Variants in RAP1GDS1 observed in about 807,000 individuals in gnomAD.
The protein encoded by RAP1GDS1 is Rap1 GTPase-GDP dissociation stimulator 1.
In RAP1GDS1, 35 loss-of-function variants were observed where a neutral mutation model predicts 71.1. The ratio of observed to expected loss-of-function variants is 0.49; its 90% CI spans 0.38 to 0.65. The LOEUF (loss-of-function observed/expected upper bound fraction) is 0.65. Among genes scored for constraint, RAP1GDS1 ranks in the 30% least tolerant of loss-of-function variants. RAP1GDS1 has a pLI of 0.00. For missense variants in RAP1GDS1, 663 were observed against 706.1 expected (o/e 0.94, Z 0.69); for synonymous variants, 229 against 243.1 (o/e 0.94, Z 0.54).
At chr4:98,440,471 C>G (rs1751725741) in intron 14 of RAP1GDS1, among the ~76,000 whole-genome samples, 1 of 152,158 alleles carries the variant, frequency 6.6e-6, no homozygotes, top group South Asian at 2.1e-4. Flanking sequence ...TTTCTTCCAG[C>G]AGTACACATG....
intron 4 of RAP1GDS1, among the ~76,000 whole-genome samples, chr4:98,353,334 C>A (rs1249049504): frequency 6.6e-6 from 1 of 152,074 alleles, no homozygotes; most frequent in East Asian, 1.9e-4. Flanking sequence ...GTAATGCCTC[C>A]TAGGAATTTA....
chr4:98,376,524 C>T (rs1250708215), intron 4 of RAP1GDS1, among the ~76,000 whole-genome samples: 4 of 151,950 alleles, frequency 2.6e-5, no homozygotes, highest in Non-Finnish European at 5.9e-5. Flanking sequence ...TGACTTATGT[C>T]ACTGGTTTTG....
intron 1 of RAP1GDS1, among the ~76,000 whole-genome samples, chr4:98,275,836 A>G (rs1293528925): frequency 6.6e-6 from 1 of 152,082 alleles, no homozygotes; most frequent in Non-Finnish European, 1.5e-5. Flanking sequence ...TACTACTTTG[A>G]ATTAAACCTC....
chr4:98,301,105 G>A (rs1728525231), intron 2 of RAP1GDS1, among the ~76,000 whole-genome samples: 1 of 151,916 alleles, frequency 6.6e-6, no homozygotes, highest in South Asian at 2.1e-4. Flanking sequence ...ATCTTGAAGA[G>A]ATTTTTACCT....
intron 11 of RAP1GDS1, among the ~76,000 whole-genome samples, 179 bp from the exon 12 acceptor site, chr4:98,421,076 C>T (rs41275693): frequency 0.044 from 6,716 of 152,248 alleles, 352 homozygotes; most frequent in African/African-American, 0.13. Flanking sequence ...TATAAAATTT[C>T]ACAGTGTTAC....
chr4:98,417,930 T>G (rs1466488874), intron 9 of RAP1GDS1, among the ~76,000 whole-genome samples: 1 of 152,162 alleles, frequency 6.6e-6, no homozygotes, highest in Non-Finnish European at 1.5e-5. Context: ...TTTAATTTAG[T>G]TTAATAATGT....
At chr4:98,427,514 A>G (rs555418099) in intron 12 of RAP1GDS1, among the ~76,000 whole-genome samples, 1 of 152,308 alleles carries the variant, frequency 6.6e-6, no homozygotes, top group South Asian at 2.1e-4. Context: ...GAATTCAGCA[A>G]AGTTTCCAGA....
chr4:98,317,221 G>A (rs2110332305), intron 2 of RAP1GDS1, among the ~76,000 whole-genome samples: 1 of 152,174 alleles, frequency 6.6e-6, no homozygotes, highest in South Asian at 2.1e-4. Flanking sequence ...AGAACATCTT[G>A]CCTTGGCCTT....
At chr4:98,398,321 T>G (rs1428578611) in intron 6 of RAP1GDS1, among the ~76,000 whole-genome samples, 2 of 151,804 alleles carry the variant, frequency 1.3e-5, no homozygotes, top group East Asian at 3.9e-4. Flanking sequence ...AATTGCCAAA[T>G]AAGTATCACA....
chr4:98,369,488 T>G (rs1740033102), intron 4 of RAP1GDS1, among the ~76,000 whole-genome samples: 1 of 152,144 alleles, frequency 6.6e-6, no homozygotes, highest in African/African-American at 2.4e-5. Flanking sequence ...TTTGAGTGGA[T>G]AAAAGATATA....
intron 4 of RAP1GDS1, among the ~76,000 whole-genome samples, chr4:98,357,963 T>C (rs1162430927): frequency 6.6e-6 from 1 of 151,886 alleles, no homozygotes; most frequent in African/African-American, 2.4e-5. Flanking sequence ...GGTATTTCCA[T>C]AAAGATATAA....
At chr4:98,262,973 A>T (rs1002224928) in intron 1 of RAP1GDS1, among the ~76,000 whole-genome samples, 1 of 152,196 alleles carries the variant, frequency 6.6e-6, no homozygotes, top group Non-Finnish European at 1.5e-5. Context: ...AGTACTCGAT[A>T]TGCTGAACAA....
intron 2 of RAP1GDS1, among the ~76,000 whole-genome samples, chr4:98,302,408 A>G (rs1027812396): frequency 1.3e-5 from 2 of 152,228 alleles, no homozygotes; most frequent in Non-Finnish European, 2.9e-5. Context: ...AAATTTAAAA[A>G]GGGGCATTGA....
chr4:98,325,441 T>G (rs1316747361), intron 2 of RAP1GDS1, among the ~76,000 whole-genome samples: 4 of 151,832 alleles, frequency 2.6e-5, no homozygotes, highest in Admixed American at 2.6e-4. Context: ...CAAATGACTA[T>G]AAATCATGCT....
At chr4:98,321,503 G>C (rs1303653165) in intron 2 of RAP1GDS1, among the ~76,000 whole-genome samples, 10 of 137,082 alleles carry the variant, frequency 7.3e-5, no homozygotes, top group African/African-American at 2.7e-4. Context: ...AGGAAAAAAT[G>C]TTAAGGGCAG....
At chr4:98,418,145 C>T (rs1560989886) in intron 9 of RAP1GDS1, among the ~76,000 whole-genome samples, 1 of 151,972 alleles carries the variant, frequency 6.6e-6, no homozygotes, top group Non-Finnish European at 1.5e-5. Context: ...CATTTTTACT[C>T]CTTCTTTTTG....
intron 2 of RAP1GDS1, among the ~76,000 whole-genome samples, chr4:98,315,964 A>G (rs963514248): frequency 1.3e-5 from 2 of 152,168 alleles, no homozygotes; most frequent in Non-Finnish European, 2.9e-5. Flanking sequence ...GTGAAAGGGA[A>G]ATGACTAAGG....
Position 98,442,079 on chromosome 4 carries a change from G to T in RAP1GDS1, c.1786G>T (p.Ala596Ser). 4 of 1,613,844 alleles carry T rather than the reference G, an allele frequency of 2.5e-6. No individual in the cohort carries two copies. Among genetic ancestry groups the T allele is most frequent in the East Asian group, 2.2e-5 (1 of 44,872 alleles). Residue 596 changes from alanine to serine, a missense_variant, in exon 15 of 15, where the codon GCC becomes TCC. Transcript: ENST00000408927. ...TGAGAACAAAAGTGTTGCCCAGCAGGCCTCTCTCACAGAGCAGAGACTTAC... is the reference window on the plus strand; with the variant it reads ...TGAGAACAAAAGTGTTGCCCAGCAGTCCTCTCTCACAGAGCAGAGACTTAC... Reference protein sequence around the residue: ...SHENKSVAQQASLTEQRLTVE... With the variant: ...SHENKSVAQQSSLTEQRLTVE...
At chr4:98,374,564 T>C (rs1740879557) in intron 4 of RAP1GDS1, among the ~76,000 whole-genome samples, 2 of 152,150 alleles carry the variant, frequency 1.3e-5, no homozygotes, top group Admixed American at 1.3e-4. Flanking sequence ...CTGGATATTA[T>C]TGTAGGAAAA....
Sources: gnomAD v4.1 joint callset for allele counts (sites outside exome capture counted in the v4.1 genomes callset) on GRCh38, gnomAD v4.1.1 for gene constraint, MANE v1.5 for transcripts, NCBI Gene and HGNC (gene_info 2026-07-23, HGNC 2026-07-21) for gene names.